CAPZB: variants seen among roughly 807,000 people sequenced by gnomAD.
The protein encoded by CAPZB is F-actin-capping protein subunit beta.
Under a neutral mutation model 38.1 loss-of-function variants are expected in CAPZB, and 2 were observed. That is an observed-to-expected ratio of 0.05 (90% CI 0.02 to 0.17). CAPZB has a LOEUF of 0.17. Among genes scored for constraint, CAPZB ranks in the 10% least tolerant of loss-of-function variants. The pLI is 1.00. For missense variants in CAPZB, 161 were observed against 334.2 expected (o/e 0.48, Z 4.04); for synonymous variants, 107 against 127.4 (o/e 0.84, Z 1.08).
intron 8 of CAPZB, among the ~76,000 whole-genome samples, chr1:19,341,741 G>A (rs896428974): frequency 1.1e-4 from 17 of 152,338 alleles, no homozygotes; most frequent in Non-Finnish European, 2.5e-4. Context: ...ATGCCTGATG[G>A]CCACACTGTG....
intron 3 of CAPZB, among the ~76,000 whole-genome samples, chr1:19,379,479 C>A (rs1335350365): frequency 6.6e-6 from 1 of 152,200 alleles, no homozygotes; most frequent in East Asian, 1.9e-4. Context: ...ACTTTAAGAC[C>A]TTCTTACATA....
intron 1 of CAPZB, among the ~76,000 whole-genome samples, chr1:19,462,737 T>C (rs1276027467): frequency 1.3e-5 from 2 of 152,232 alleles, no homozygotes; most frequent in South Asian, 4.1e-4. Context: ...TCCAGAAGAA[T>C]TCTTTAAAGA....
At chr1:19,460,047 GAA>G (rs1390635420) in intron 1 of CAPZB, among the ~76,000 whole-genome samples, 1 of 152,042 alleles carries the variant, frequency 6.6e-6, no homozygotes. Flanking sequence ...GTGAAAAGGT[GAA>G]AGTTCTTGAT....
intron 1 of CAPZB, among the ~76,000 whole-genome samples, chr1:19,458,337 AGTTTT>A (rs72022426): frequency 0.6 from 91,073 of 151,350 alleles, 27,572 homozygotes; most frequent in Non-Finnish European, 0.63. Flanking sequence ...TATTTATCCA[AGTTTT>A]GTTTTGTTTT....
intron 1 of CAPZB, among the ~76,000 whole-genome samples, chr1:19,455,026 T>C (rs919856091): frequency 2.6e-5 from 4 of 152,204 alleles, no homozygotes; most frequent in African/African-American, 4.8e-5. Flanking sequence ...GGAAGCCAAA[T>C]TGCAGTCCAA....
At chr1:19,396,857 G>A (rs2094273342) in intron 2 of CAPZB, among the ~76,000 whole-genome samples, 1 of 152,034 alleles carries the variant, frequency 6.6e-6, no homozygotes, top group African/African-American at 2.4e-5. Context: ...GGAGACTAAG[G>A]GAGGAGAATC....
At chr1:19,426,376 C>CA (rs1405582396) in intron 1 of CAPZB, among the ~76,000 whole-genome samples, 18 of 152,020 alleles carry the variant, frequency 1.2e-4, no homozygotes, top group African/African-American at 3.9e-4. Flanking sequence ...ATGACCATAA[C>CA]AAGCAGTCCC....
At chr1:19,351,167 C>T (rs1458092127) in intron 6 of CAPZB, among the ~76,000 whole-genome samples, 1 of 151,204 alleles carries the variant, frequency 6.6e-6, no homozygotes, top group Admixed American at 6.6e-5. Context: ...ATTTTTAGTA[C>T]AGATGGGGTT....
chr1:19,408,387 G>A (rs1193085860), intron 2 of CAPZB, among the ~76,000 whole-genome samples: 2 of 152,258 alleles, frequency 1.3e-5, no homozygotes, highest in Non-Finnish European at 2.9e-5. Context: ...AACTGTGGGA[G>A]ATGAAGTGCC....
chr1:19,454,294 A>T (rs1351556415), intron 1 of CAPZB, among the ~76,000 whole-genome samples: 1 of 152,248 alleles, frequency 6.6e-6, no homozygotes. Flanking sequence ...AGGTGGGCTG[A>T]AGAATGAAAT....
At chr1:19,414,017 T>C (rs766713432) in intron 2 of CAPZB, among the ~76,000 whole-genome samples, 4 of 152,248 alleles carry the variant, frequency 2.6e-5, no homozygotes, top group Non-Finnish European at 5.9e-5. Flanking sequence ...TGACTAATAG[T>C]ATCATCCTTA....
chr1:19,348,870 C>T (rs1278083810), intron 6 of CAPZB, among the ~76,000 whole-genome samples: 1 of 151,906 alleles, frequency 6.6e-6, no homozygotes. Context: ...GGCTGTTTTA[C>T]TGAGGACTAG....
intron 2 of CAPZB, among the ~76,000 whole-genome samples, chr1:19,386,028 GA>G (rs2094202209): frequency 6.6e-6 from 1 of 152,218 alleles, no homozygotes. Flanking sequence ...ACTCGGAGTA[GA>G]AAAACTCGTC....
chr1:19,387,015 T>C (rs2094207704), intron 2 of CAPZB, among the ~76,000 whole-genome samples: 1 of 152,210 alleles, frequency 6.6e-6, no homozygotes, highest in Non-Finnish European at 1.5e-5. Flanking sequence ...ACTTTCAAAG[T>C]TGGTTTTGGT....
chr1:19,342,231 G>A (rs1381505986), intron 8 of CAPZB, among the ~76,000 whole-genome samples: 1 of 152,250 alleles, frequency 6.6e-6, no homozygotes, highest in East Asian at 1.9e-4. Flanking sequence ...GTCCAGCCCT[G>A]ACTCTGCCCT....
chr1:19,354,771 C>G (rs545431320), intron 6 of CAPZB, among the ~76,000 whole-genome samples: 1 of 152,300 alleles, frequency 6.6e-6, no homozygotes, highest in Non-Finnish European at 1.5e-5. Context: ...TATCAACAGC[C>G]TGGAGTGGTA....
chr1:19,451,267 A>G (rs2094515103), intron 1 of CAPZB, among the ~76,000 whole-genome samples: 1 of 152,164 alleles, frequency 6.6e-6, no homozygotes, highest in Admixed American at 6.5e-5. Flanking sequence ...GGAACCCACC[A>G]TGGGTCTGGG....
rs2094025820 is a variant in CAPZB, at chr1:19,357,117, A to C, written c.471+305T>G. 6.6e-6 allele frequency among the ~76,000 whole-genome samples: 1 copy of C among 152,090 alleles called. No individual in the cohort carries two copies. On this transcript the variant is annotated intron_variant, in intron 5 of 8. Coordinates refer to ENST00000264202, the MANE Select transcript of CAPZB (RefSeq NM_004930.5). The surrounding 1 kb of genome is among the most constrained non-coding windows in gnomAD (Gnocchi z 4.3). ...TGACCTCCGGTGATCTGCCCACCTC[A>C]GCCTCCCAAACTGCTGGGATTACAG...
At chr1:19,394,490 G>A (rs1432877153) in intron 2 of CAPZB, among the ~76,000 whole-genome samples, 3 of 152,212 alleles carry the variant, frequency 2.0e-5, no homozygotes, top group Non-Finnish European at 4.4e-5. Context: ...GGAGGCTGAG[G>A]TGGGCGGATC....
Sources: allele counts gnomAD v4.1 joint callset (sites outside exome capture counted in the v4.1 genomes callset), GRCh38; gene constraint gnomAD v4.1.1; non-coding constraint Gnocchi (gnomAD v3.1); transcripts MANE v1.5; gene names NCBI Gene and HGNC (gene_info 2026-07-23, HGNC 2026-07-21).